Variants in UBR3 observed in about 807,000 individuals in gnomAD.
The protein encoded by UBR3 is E3 ubiquitin-protein ligase UBR3.
In UBR3, 85 loss-of-function variants were observed where a neutral mutation model predicts 243.2. That is an observed-to-expected ratio of 0.35 (90% CI 0.29 to 0.42). The LOEUF is 0.42. Ranked by LOEUF, UBR3 falls within the 10% of genes least tolerant of loss-of-function variation. The probability of loss-of-function intolerance (pLI) is 1.00; values close to 1 mark genes in which losing one functional copy is unlikely to be tolerated. For synonymous variants in UBR3, 748 were observed against 799.8 expected (o/e 0.94, Z 1.09); for missense variants, 1,686 against 2,300.8 (o/e 0.73, Z 5.47).
At chr2:169,978,257 G>A (rs1229137541) in intron 24 of UBR3, among the ~76,000 whole-genome samples, 2 of 152,196 alleles carry the variant, frequency 1.3e-5, no homozygotes, top group Non-Finnish European at 2.9e-5. Context: ...GTGAGTACCA[G>A]TAGCAGCGCT....
chr2:169,996,838 T>A (rs1238623543), intron 26 of UBR3, among the ~76,000 whole-genome samples: 2 of 151,806 alleles, frequency 1.3e-5, no homozygotes, highest in African/African-American at 4.8e-5. Context: ...TAGCTGGGAC[T>A]ACAGGCGCCC....
chr2:170,080,229 C>G (rs568383779), intron 37 of UBR3: 5 of 596,896 alleles, frequency 8.4e-6, no homozygotes, highest in East Asian at 5.7e-5. Context: ...AAGTACAATT[C>G]TAGTTCTCCT....
At chr2:170,077,673 C>G (rs2091839377) in intron 36 of UBR3, 2 of 359,076 alleles carry the variant, frequency 5.6e-6, no homozygotes, top group East Asian at 9.8e-5. Flanking sequence ...GCAACCTCAG[C>G]CTCCTGGGTT....
chr2:169,886,191 A>C (rs887622345), intron 5 of UBR3, among the ~76,000 whole-genome samples: 1 of 150,632 alleles, frequency 6.6e-6, no homozygotes, highest in Non-Finnish European at 1.5e-5. Context: ...TTACTTTTGG[A>C]GGCATAAGGT....
chr2:170,014,573 T>G (rs918402505), intron 29 of UBR3: 1 of 152,132 alleles, frequency 6.6e-6, no homozygotes, highest in East Asian at 1.9e-4. Context: ...GATTCTGCAT[T>G]AGTTTGATTT....
At chr2:169,913,295 G>A (rs955975982) in intron 10 of UBR3, among the ~76,000 whole-genome samples, 12 of 148,930 alleles carry the variant, frequency 8.1e-5, no homozygotes, top group African/African-American at 2.7e-4. Flanking sequence ...AGTCATTTGC[G>A]TATTTTCTTG....
chr2:169,828,092 C>A, intron 1 of UBR3, 40 bp downstream of exon 1: 1 of 1,291,498 alleles, frequency 7.7e-7, no homozygotes, highest in Non-Finnish European at 9.9e-7. Context: ...GACCCTGGGC[C>A]GGGGACGTCG....
In UBR3 at chr2:169,967,214, A is replaced by C. The variant is rs552665776; in HGVS notation, c.3634+8688A>C. ...CTTTACTATTTCTTCATATTAAAGC[A>C]AATTGAGGAGAGTATGCCCCCCCCA... On this transcript the variant is annotated intron_variant, in intron 24 of 38. Coordinates refer to ENST00000272793, the MANE Select transcript of UBR3 (RefSeq NM_172070.4). Among the ~76,000 whole-genome samples the C allele has an allele frequency of 2.7e-3, 410 of 152,034 alleles. 1 individual carries two copies. The highest frequency in any genetic ancestry group is 4.4e-3 in the Non-Finnish European group (300 of 67,966).
Position 169,994,318 on chromosome 2 carries a change from T to C in UBR3, c.3785-5T>C. 2 of 1,614,066 alleles carry C rather than the reference T, an allele frequency of 1.2e-6. No homozygotes were observed. Among genetic ancestry groups the C allele is most frequent in the South Asian group, 1.1e-5 (1 of 91,066 alleles). On this transcript the variant is annotated splice_region_variant and splice_polypyrimidine_tract_variant and intron_variant, in intron 25 of 38. Coordinates refer to ENST00000272793, the MANE Select transcript of UBR3 (RefSeq NM_172070.4). ...TGATTAATGAGCTTTTATCTGTTAATGTAGTTTTGGGGCAGTGCCGTGACA... is the reference window on the plus strand; with the variant it reads ...TGATTAATGAGCTTTTATCTGTTAACGTAGTTTTGGGGCAGTGCCGTGACA...
chr2:169,987,964 A>G (rs2105389402), intron 25 of UBR3, among the ~76,000 whole-genome samples: 1 of 152,340 alleles, frequency 6.6e-6, no homozygotes, highest in East Asian at 1.9e-4. Flanking sequence ...ATAAACAAAA[A>G]GAATCCAATA....
At chr2:169,858,162 G>T (rs993888093) in intron 1 of UBR3, among the ~76,000 whole-genome samples, 1 of 152,144 alleles carries the variant, frequency 6.6e-6, no homozygotes, top group Non-Finnish European at 1.5e-5. Flanking sequence ...TCCCTCATGA[G>T]GTTATAATAA....
intron 6 of UBR3, among the ~76,000 whole-genome samples, chr2:169,893,652 G>C (rs879602721): frequency 6.6e-6 from 1 of 152,122 alleles, no homozygotes; most frequent in Non-Finnish European, 1.5e-5. Flanking sequence ...TGCCTCCCAG[G>C]CTCAAGCGAT....
chr2:170,075,987 G>A (rs556008387), intron 36 of UBR3, among the ~76,000 whole-genome samples: 9 of 151,066 alleles, frequency 6.0e-5, no homozygotes, highest in African/African-American at 1.5e-4. Flanking sequence ...AACTGTCATC[G>A]CTTGGGAAGA....
chr2:169,864,775 C>T (rs1465298440), intron 1 of UBR3, among the ~76,000 whole-genome samples: 2 of 151,940 alleles, frequency 1.3e-5, no homozygotes, highest in East Asian at 1.9e-4. Flanking sequence ...GGCATGGTGG[C>T]GGGTGCCTGT....
At chr2:169,966,497 C>G (rs969491854) in intron 24 of UBR3, among the ~76,000 whole-genome samples, 1 of 152,094 alleles carries the variant, frequency 6.6e-6, no homozygotes, top group Non-Finnish European at 1.5e-5. Flanking sequence ...TTATGCCATG[C>G]CTTTTTACCC....
chr2:170,072,703 C>T (rs1345283791), intron 35 of UBR3, among the ~76,000 whole-genome samples: 1 of 152,042 alleles, frequency 6.6e-6, no homozygotes, highest in Non-Finnish European at 1.5e-5. Context: ...TCAGGGAAGG[C>T]TTCCCTAGTG....
intron 29 of UBR3, among the ~76,000 whole-genome samples, chr2:170,009,688 G>A (rs2090027216): frequency 1.3e-5 from 2 of 152,124 alleles, no homozygotes; most frequent in African/African-American, 4.8e-5. Flanking sequence ...ATCTTTGGAA[G>A]CATACTTTAT....
In UBR3 at chr2:170,054,735, A is replaced by G. The variant is rs141109474; in HGVS notation, c.4661-725A>G. 2.5e-3 allele frequency among the ~76,000 whole-genome samples: 381 copies of G among 152,308 alleles called. 1 individual carries two copies. The highest frequency in any genetic ancestry group is 8.7e-3 in the African/African-American group (361 of 41,564). ...AGATTTATATCATATTCCATATAAT[A>G]CTATCCTTATTAAGATGTGCATCAT... is the stretch of plus-strand genomic sequence containing the variant. On this transcript the variant is annotated intron_variant, in intron 32 of 38. Coordinates refer to ENST00000272793, the MANE Select transcript of UBR3 (RefSeq NM_172070.4).
In UBR3 at chr2:169,994,363, G is replaced by A. The variant is rs1470773902; in HGVS notation, c.3825G>A (p.Leu1275=). The A allele has an allele frequency of 6.2e-7, 1 of 1,614,002 alleles. No homozygotes were observed. The highest frequency in any genetic ancestry group is 1.3e-5 in the African/African-American group (1 of 74,890). The part of the protein sequence containing the change: ...QCRDNVEPKK[L]PISEEEQIYP... ...GTGACAATGTTGAGCCAAAAAAGTT[G>A]CCGATCAGTGAAGAGGAGCAGATTT... Residue 1275 remains leucine (L), a synonymous_variant, in exon 26 of 39, where the codon TTG becomes TTA. Transcript: ENST00000272793.
Sources: gnomAD v4.1 joint callset for allele counts (sites outside exome capture counted in the v4.1 genomes callset) on GRCh38, gnomAD v4.1.1 for gene constraint, MANE v1.5 for transcripts, NCBI Gene and HGNC (gene_info 2026-07-23, HGNC 2026-07-21) for gene names.